Variants in FAT3 observed in about 807,000 individuals in gnomAD.
FAT3 encodes FAT atypical cadherin 3.
In FAT3, 95 loss-of-function variants were observed where a neutral mutation model predicts 310.2. The observed-to-expected ratio is 0.31, with a 90% CI of 0.26 to 0.36. The LOEUF (loss-of-function observed/expected upper bound fraction) is 0.36, where lower values mean the gene tolerates loss of function less well. Among genes scored for constraint, FAT3 ranks in the 10% least tolerant of loss-of-function variants. The pLI is 1.00. For missense variants in FAT3, 5,408 were observed against 5,715.6 expected (o/e 0.95, Z 1.74); for synonymous variants, 2,314 against 2,192.9 (o/e 1.06, Z -1.54).
intron 3 of FAT3, among the ~76,000 whole-genome samples, chr11:92,633,896 T>G (rs1941654176): frequency 6.6e-6 from 1 of 152,192 alleles, no homozygotes; most frequent in African/African-American, 2.4e-5. Flanking sequence ...ATAGAAAGAT[T>G]AATGTATCTG....
intron 3 of FAT3, among the ~76,000 whole-genome samples, chr11:92,630,415 C>T (rs1941515292): frequency 6.6e-6 from 1 of 152,218 alleles, no homozygotes; most frequent in African/African-American, 2.4e-5. Context: ...ATGGCACCCA[C>T]AGGTACTTAC....
In FAT3 at chr11:92,886,433, C is replaced by T. The variant is rs183925422; in HGVS notation, c.12938-567C>T. On this transcript the variant is annotated intron_variant, in intron 24 of 27. Transcript: ENST00000525166. ...TATGTGGTTAAGGGCATATCCACAC[C>T]ACTGCCAGCCCTCCTACCTGACACA... 2.6e-4 allele frequency among the ~76,000 whole-genome samples: 40 copies of T among 152,122 alleles called. No individual in the cohort carries two copies. The East Asian group carries it at 7.1e-3, about 27-fold the overall frequency.
chr11:92,836,493 C>T, intron 15 of FAT3, 73 bp from the exon 16 acceptor site: 2 of 1,563,538 alleles, frequency 1.3e-6, no homozygotes, highest in Non-Finnish European at 1.7e-6. Context: ...TTTAAACAGA[C>T]CTGGGACCCT....
At position 92,801,087 on chromosome 11, in the gene FAT3, A is replaced by T; in HGVS notation, c.8074A>T (p.Ile2692Phe). 6.2e-7 allele frequency: 1 copy of T among 1,613,924 alleles called. No homozygotes were observed. The highest frequency in any genetic ancestry group is 8.5e-7 in the Non-Finnish European group (1 of 1,179,866). Residue 2692 changes from isoleucine to phenylalanine, a missense_variant, in exon 10 of 28, where the codon ATT becomes TTT. This residue lies in a region of FAT3 where 4,588 missense variants were observed against 4,809.8 expected (regional missense o/e 0.95). Transcript: ENST00000525166. ...DGGIPVKHSLIPVYIHVLPPE... is the reference protein window; with the variant it reads ...DGGIPVKHSLFPVYIHVLPPE... ...GGGCATCCCAGTAAAGCACTCCCTC[A>T]TTCCTGTCTATATCCACGTCTTGCC...
At chr11:92,416,521 A>G (rs1054050432) in intron 2 of FAT3, among the ~76,000 whole-genome samples, 1 of 152,190 alleles carries the variant, frequency 6.6e-6, no homozygotes, top group Non-Finnish European at 1.5e-5. Context: ...TATTTTACAC[A>G]TTTTTCTCTA....
intron 4 of FAT3, among the ~76,000 whole-genome samples, chr11:92,741,640 G>A (rs1051964834): frequency 6.6e-6 from 1 of 152,180 alleles, no homozygotes; most frequent in Non-Finnish European, 1.5e-5. Context: ...AGTCTACGGA[G>A]TTGATCTTTA....
At chr11:92,656,110 G>T (rs1249153963) in intron 3 of FAT3, among the ~76,000 whole-genome samples, 1 of 152,128 alleles carries the variant, frequency 6.6e-6, no homozygotes, top group Non-Finnish European at 1.5e-5. Flanking sequence ...GAACTAGGTT[G>T]CCTGGCTCCA....
chr11:92,549,761 T>C (rs1197034508), intron 3 of FAT3, among the ~76,000 whole-genome samples: 2 of 152,136 alleles, frequency 1.3e-5, no homozygotes, highest in African/African-American at 4.8e-5. Flanking sequence ...AGTCAGTTAG[T>C]AAATAGAAGA....
intron 3 of FAT3, among the ~76,000 whole-genome samples, chr11:92,569,323 G>A (rs765379209): frequency 1.4e-4 from 21 of 152,266 alleles, no homozygotes; most frequent in Non-Finnish European, 2.8e-4. Context: ...TGCATGCAAA[G>A]CCCTCAGAAT....
In FAT3 at chr11:92,644,558, A is replaced by G. The variant is rs567466864; in HGVS notation, c.3608-52826A>G. On this transcript the variant is annotated intron_variant, in intron 3 of 27. Transcript: ENST00000525166. ...TTCACTTCCTAACACCCCTTTTCAC[A>G]TACTTCTCACTGGAGATAGACTTTT... Among the ~76,000 whole-genome samples the G allele has an allele frequency of 5.6e-4, 85 of 152,156 alleles. 1 individual carries two copies. The highest frequency in any genetic ancestry group is 1.5e-4 in the Non-Finnish European group (10 of 68,000).
Position 92,567,081 on chromosome 11 carries a change from G to A in FAT3, c.3607+42133G>A, listed in dbSNP as rs975375129. Among the ~76,000 whole-genome samples the A allele has an allele frequency of 2.9e-3, 442 of 152,106 alleles. 6 individuals carry two copies. The highest frequency in any genetic ancestry group is 4.3e-4 in the Non-Finnish European group (29 of 67,994). ...GAGCTTCTGCACAGCAAAAGAAACT[G>A]CCATCAGAGTGAACAGGCAACCTTC... On this transcript the variant is annotated intron_variant, in intron 3 of 27. Coordinates refer to ENST00000525166, the MANE Select transcript of FAT3 (RefSeq NM_001367949.2).
chr11:92,417,352 A>T (rs1010991014), intron 2 of FAT3, among the ~76,000 whole-genome samples: 1 of 152,196 alleles, frequency 6.6e-6, no homozygotes, highest in Non-Finnish European at 1.5e-5. Context: ...TATGTATTGG[A>T]TGCCTCTTAG....
At chr11:92,737,878 A>G (rs1041680470) in intron 4 of FAT3, among the ~76,000 whole-genome samples, 2 of 152,070 alleles carry the variant, frequency 1.3e-5, no homozygotes, top group Non-Finnish European at 2.9e-5. Context: ...CCTCCCTGCC[A>G]TCCTTGGAAT....
intron 19 of FAT3, among the ~76,000 whole-genome samples, chr11:92,855,986 T>TTC (rs1565653498): frequency 1.3e-5 from 2 of 151,064 alleles, no homozygotes; most frequent in Non-Finnish European, 3.0e-5. Flanking sequence ...TATGCTTTTT[T>TTC]TTTTTTTTTT....
intron 3 of FAT3, among the ~76,000 whole-genome samples, chr11:92,545,170 A>G (rs1003242582): frequency 6.6e-6 from 1 of 152,156 alleles, no homozygotes; most frequent in African/African-American, 2.4e-5. Flanking sequence ...CTTGATGTCC[A>G]TGTAACTGGT....
At chr11:92,565,503 T>C (rs1469379693) in intron 3 of FAT3, among the ~76,000 whole-genome samples, 2 of 148,962 alleles carry the variant, frequency 1.3e-5, no homozygotes, top group East Asian at 4.0e-4. Context: ...TTCCAATCAA[T>C]AGAAAAAGAG....
At chr11:92,851,121 C>G (rs1948819430) in intron 19 of FAT3, among the ~76,000 whole-genome samples, 1 of 152,162 alleles carries the variant, frequency 6.6e-6, no homozygotes, top group Non-Finnish European at 1.5e-5. Flanking sequence ...GGATGAGTAA[C>G]AAGCCCCAGG....
intron 2 of FAT3, among the ~76,000 whole-genome samples, chr11:92,420,101 T>G (rs2134973751): frequency 6.6e-6 from 1 of 152,194 alleles, no homozygotes; most frequent in Middle Eastern, 3.4e-3. Context: ...GTAAATAAAG[T>G]TTTAACGGAA....
At chr11:92,225,650 C>T (rs1219476432) in intron 1 of FAT3, among the ~76,000 whole-genome samples, 3 of 152,090 alleles carry the variant, frequency 2.0e-5, no homozygotes, top group Admixed American at 6.6e-5. Context: ...CAAGTTGGGT[C>T]ATCGCTAGGC....
Sources: allele counts gnomAD v4.1 joint callset (sites outside exome capture counted in the v4.1 genomes callset), GRCh38; gene constraint gnomAD v4.1.1; regional missense constraint gnomAD v4.1.1; transcripts MANE v1.5; gene names NCBI Gene and HGNC (gene_info 2026-07-23, HGNC 2026-07-21).